Variants in MYSM1 observed in about 807,000 individuals in gnomAD.
MYSM1 encodes the protein deubiquitinase MYSM1.
A neutral mutation model predicts 116.0 loss-of-function variants in MYSM1; 51 were observed. The observed-to-expected ratio is 0.44, with a 90% CI of 0.35 to 0.56. MYSM1 has a LOEUF of 0.56. MYSM1 is among the 20% of genes least tolerant of loss of function. The pLI, the probability that MYSM1 is intolerant of heterozygous loss-of-function variation, is 0.00. For missense variants in MYSM1, 900 were observed against 974.9 expected, an observed-to-expected ratio of 0.92 and a Z score of 1.02; for synonymous variants, 313 against 315.2, an observed-to-expected ratio of 0.99 and a Z score of 0.07.
Position 58,656,369 on chromosome 1 carries a change from G to A in MYSM1, c.*3628C>T, listed in dbSNP as rs1415127958. On this transcript the variant is annotated 3_prime_UTR_variant, in exon 20 of 20. Coordinates refer to ENST00000472487, the MANE Select transcript of MYSM1 (RefSeq NM_001085487.3). ...AACAAATAATAGAAAGAAGGGTCTT[G>A]TATTTATATGCTGAGAAGTAAGAAT... 6.6e-6 allele frequency: 1 copy of A among 152,166 alleles called. No individual in the cohort carries two copies. The highest frequency in any genetic ancestry group is 2.4e-5 in the African/African-American group (1 of 41,418). The allele number at this position is 152,166 out of a possible 1,614,324, so 9.4% of individuals were successfully genotyped here.
rs190248907 is a variant in MYSM1, at chr1:58,668,110, T to C, written c.1768-189A>G. Among the ~76,000 whole-genome samples the C allele has an allele frequency of 4.8e-3, 736 of 152,336 alleles. 10 individuals are homozygous for C. Among genetic ancestry groups the C allele is most frequent in the African/African-American group, 0.017 (687 of 41,582 alleles). The stretch of plus-strand genomic sequence containing the variant: ...ACTAAGATTTCAGGTCTATCTTCAC[T>C]GCTGGCTGAGAAGCTTTCAACCAAA... On this transcript the variant is annotated intron_variant, in intron 14 of 19. Coordinates refer to ENST00000472487, the MANE Select transcript of MYSM1 (RefSeq NM_001085487.3).
chr1:58,670,938 A>G (rs778802542), intron 12 of MYSM1, among the ~76,000 whole-genome samples: 1 of 152,200 alleles, frequency 6.6e-6, no homozygotes, highest in Non-Finnish European at 1.5e-5. Flanking sequence ...TAGAGTCAGA[A>G]AATCAATTAT....
intron 8 of MYSM1, 141 bp downstream of exon 8, chr1:58,681,644 T>C: frequency 1.1e-6 from 1 of 877,112 alleles, no homozygotes. Flanking sequence ...AAGCTTTTTT[T>C]CATTACAAGA....
chr1:58,681,642 T>C (rs1158059993), intron 8 of MYSM1, 143 bp downstream of exon 8: 5 of 870,112 alleles, frequency 5.7e-6, no homozygotes, highest in African/African-American at 5.2e-5. Context: ...CAAAGCTTTT[T>C]TTCATTACAA....
chr1:58,673,140 G>T (rs563170224), intron 11 of MYSM1, among the ~76,000 whole-genome samples: 28 of 152,292 alleles, frequency 1.8e-4, no homozygotes, highest in Middle Eastern at 3.4e-3. Context: ...AACAAAGCCA[G>T]TACGTACACA....
intron 1 of MYSM1, among the ~76,000 whole-genome samples, chr1:58,698,084 C>CTATA (rs374389099): frequency 6.4e-5 from 2 of 31,410 alleles, no homozygotes; most frequent in African/African-American, 2.5e-4. Flanking sequence ...ATTTATCAGA[C>CTATA]TATATATATA....
chr1:58,677,256 T>G (rs1258505711), intron 8 of MYSM1, among the ~76,000 whole-genome samples, 200 bp from the exon 9 acceptor site: 4 of 152,182 alleles, frequency 2.6e-5, no homozygotes, highest in Non-Finnish European at 4.4e-5. Flanking sequence ...TACAATAACT[T>G]ATTAGCATAA....
At chr1:58,680,757 G>A (rs1004917335) in intron 8 of MYSM1, among the ~76,000 whole-genome samples, 1 of 152,116 alleles carries the variant, frequency 6.6e-6, no homozygotes, top group Non-Finnish European at 1.5e-5. Flanking sequence ...GAAGCTCTCT[G>A]TAAAGATGGC....
intron 6 of MYSM1, among the ~76,000 whole-genome samples, chr1:58,687,995 A>G (rs1476433752): frequency 6.6e-6 from 1 of 152,100 alleles, no homozygotes; most frequent in Non-Finnish European, 1.5e-5. Flanking sequence ...AACATTATGT[A>G]TCTGGTCTTT....
chr1:58,671,840 T>C, intron 12 of MYSM1, 30 bp downstream of exon 12: 1 of 1,544,284 alleles, frequency 6.5e-7, no homozygotes, highest in South Asian at 1.2e-5. Flanking sequence ...GTGATAAATG[T>C]TTAAAAACCA....
intron 10 of MYSM1, among the ~76,000 whole-genome samples, chr1:58,674,862 G>A (rs1644622613): frequency 2.7e-5 from 4 of 150,752 alleles, no homozygotes; most frequent in Admixed American, 2.7e-4. Context: ...GGGAGATGGA[G>A]CTTGCAGTGA....
chr1:58,668,691 T>TA lies in MYSM1; in HGVS notation c.1717-10dup, dbSNP rs752374964. 5.0e-6 allele frequency: 8 copies of TA among 1,597,618 alleles called. No homozygotes were observed. The highest frequency in any genetic ancestry group is 2.7e-5 in the African/African-American group (2 of 74,602). On this transcript the variant is annotated splice_polypyrimidine_tract_variant and intron_variant, in intron 13 of 19. Transcript: ENST00000472487. The stretch of plus-strand genomic sequence containing the variant: ...TTCACCTGAAATGGCTCCTGAAATA[T>TA]AAAAAACAAAACAAAACGGGGGAGC...
At chr1:58,669,848 AAAAAAAAAAAAAAAC>A (rs1312209055) in intron 12 of MYSM1, among the ~76,000 whole-genome samples, 1 of 148,144 alleles carries the variant, frequency 6.8e-6, no homozygotes, top group African/African-American at 2.5e-5. Context: ...AAAAAAAAAA[AAAAAAAAAAAAAAAC>A]AAAAAAGTGA....
chr1:58,671,509 G>A (rs946666834), intron 12 of MYSM1, among the ~76,000 whole-genome samples: 1 of 152,118 alleles, frequency 6.6e-6, no homozygotes, highest in African/African-American at 2.4e-5. Context: ...GATTACACAT[G>A]CATTAGAAAA....
At chr1:58,674,137 C>G (rs964122546) in intron 10 of MYSM1, among the ~76,000 whole-genome samples, 3 of 152,122 alleles carry the variant, frequency 2.0e-5, no homozygotes, top group African/African-American at 7.2e-5. Flanking sequence ...TCGAGTGATT[C>G]TCCTGCCTCA....
Position 58,690,368 on chromosome 1 carries a change from T to C in MYSM1, c.268A>G (p.Lys90Glu). 3 of 1,604,812 alleles carry C rather than the reference T, an allele frequency of 1.9e-6. No homozygotes were observed. The highest frequency in any genetic ancestry group is 2.6e-6 in the Non-Finnish European group (3 of 1,175,484). Residue 90 changes from lysine (K) to glutamate (E), a missense_variant, in exon 4 of 20, where the codon AAG becomes GAG. Lys to Glu is a moderately conservative substitution (Grantham distance 56). Coordinates refer to ENST00000472487, the MANE Select transcript of MYSM1 (RefSeq NM_001085487.3). ...TTCATGTATTTTTTATCATCTTCCT[T>C]TTGATCAAGCCAGACTTTTTCCGGT... ...SQPEKVWLDQKEDDKKYMKSL... is the reference protein window; with the variant it reads ...SQPEKVWLDQEEDDKKYMKSL...
intron 17 of MYSM1, 53 bp downstream of exon 17, chr1:58,665,446 G>A: frequency 7.4e-7 from 1 of 1,350,484 alleles, no homozygotes; most frequent in Admixed American, 2.2e-5. Flanking sequence ...ATTTGTATGA[G>A]TCAAAGAAAT....
chr1:58,696,200 T>A (rs1042950682), intron 1 of MYSM1, among the ~76,000 whole-genome samples: 1 of 152,206 alleles, frequency 6.6e-6, no homozygotes, highest in African/African-American at 2.4e-5. Flanking sequence ...TCTGAGACTT[T>A]TATCAGCTCA....
At chr1:58,679,366 G>T (rs1032478405) in intron 8 of MYSM1, among the ~76,000 whole-genome samples, 2 of 152,148 alleles carry the variant, frequency 1.3e-5, no homozygotes, top group African/African-American at 4.8e-5. Context: ...GTAATTTATA[G>T]TACCTATATA....
Sources: gnomAD v4.1 joint callset for allele counts (sites outside exome capture counted in the v4.1 genomes callset) on GRCh38, gnomAD v4.1.1 for gene constraint, MANE v1.5 for transcripts, NCBI Gene and HGNC (gene_info 2026-07-23, HGNC 2026-07-21) for gene names.